The following TENM1 variants were observed in gnomAD, a reference collection of about 807,000 sequenced individuals.
TENM1 encodes the protein teneurin transmembrane protein 1.
Under a neutral mutation model 174.8 loss-of-function variants are expected in TENM1, and 35 were observed. The ratio of observed to expected loss-of-function variants is 0.20; its 90% CI spans 0.15 to 0.27. TENM1 has a LOEUF of 0.27. Among genes scored for constraint, TENM1 ranks in the 10% least tolerant of loss-of-function variants. TENM1 has a pLI of 1.00. For missense variants in TENM1, 1,633 were observed against 2,130.1 expected (o/e 0.77, Z 4.59); for synonymous variants, 781 against 798.7 (o/e 0.98, Z 0.37).
chrX:125,055,517 T>C, the TENM1 span, among the ~76,000 whole-genome samples: 1 of 111,781 alleles, frequency 8.9e-6, no homozygotes, highest in Admixed American at 9.6e-5. Flanking sequence ...ATTTCTATTT[T>C]CCCACCAACT....
chrX:124,616,519 C>T (rs914682089), intron 11 of TENM1, among the ~76,000 whole-genome samples: 6 of 112,066 alleles, frequency 5.4e-5, no homozygotes, highest in African/African-American at 1.9e-4. Flanking sequence ...ATGCAACAGG[C>T]ACTCAGTTAT....
At chrX:124,918,091 GCTT>G (rs1169522995) in intron 1 of TENM1, among the ~76,000 whole-genome samples, 1 of 111,825 alleles carries the variant, frequency 8.9e-6, no homozygotes, top group African/African-American at 3.3e-5. Flanking sequence ...CCTGGCCTGA[GCTT>G]CATATCCTAG....
chrX:125,037,855 T>C, the TENM1 span, among the ~76,000 whole-genome samples: 6 of 111,789 alleles, frequency 5.4e-5, no homozygotes, highest in Non-Finnish European at 9.4e-5. Flanking sequence ...CACACTTCCC[T>C]AGTTTTCCTA....
intron 1 of TENM1, among the ~76,000 whole-genome samples, chrX:124,907,164 C>T (rs747155410): frequency 8.9e-6 from 1 of 112,057 alleles, no homozygotes; most frequent in Non-Finnish European, 1.9e-5. Context: ...AAGAAGAACA[C>T]TGGGAACAAT....
the TENM1 span, among the ~76,000 whole-genome samples, chrX:125,060,037 C>T: frequency 9.1e-6 from 1 of 109,741 alleles, no homozygotes; most frequent in Middle Eastern, 4.6e-3. Context: ...CTTTCAGACG[C>T]ATGCTGCAAC....
At chrX:125,111,092 G>A in the TENM1 span, among the ~76,000 whole-genome samples, 1 of 112,067 alleles carries the variant, frequency 8.9e-6, no homozygotes, top group Non-Finnish European at 1.9e-5. Flanking sequence ...AGGTTATAGA[G>A]GACTCAACAT....
At chrX:124,526,595 C>T (rs755996282) in intron 16 of TENM1, among the ~76,000 whole-genome samples, 19 of 112,028 alleles carry the variant, frequency 1.7e-4, no homozygotes, top group Admixed American at 2.8e-4. Flanking sequence ...CACCACAAAA[C>T]ACCTCCATTT....
rs759183506 is a variant in TENM1 at position 124,705,090 on chromosome X, C to T, written c.938G>A (p.Cys313Tyr). 7 of 1,209,317 alleles carry T rather than the reference C, an allele frequency of 5.8e-6. No homozygotes were observed. The Admixed American group carries it at 1.3e-4, about 23-fold the overall frequency. ...CAATGCTGTGCACTTCCAGTTGCAG[C>T]ACCTGTAAGGTTTGTTAAAGGTAAA... Residue 313 changes from cysteine (C) to tyrosine (Y), a missense_variant, in exon 5 of 32, where the codon TGC becomes TAC. Cys to Tyr is a radical substitution (Grantham distance 194). Around this residue, in one of 4 missense-constraint regions of TENM1, gnomAD observed 305 missense variants for 309.2 expected, o/e 0.99. Coordinates refer to ENST00000422452, the Ensembl canonical transcript of TENM1.
intron 14 of TENM1, among the ~76,000 whole-genome samples, chrX:124,551,265 T>A (rs1412278384): frequency 1.8e-5 from 2 of 111,250 alleles, no homozygotes; most frequent in East Asian, 5.6e-4. Context: ...AATAAGTCAG[T>A]CATAGAAGGG....
rs971615169 is a variant in TENM1, at chrX:124,769,521, A to T, written c.536-32324T>A. ...TTCATATCAAGACCTGTAATTAAATAATTGAAGCCTAAACAGAATGGATAT... is the reference window on the plus strand; with the variant it reads ...TTCATATCAAGACCTGTAATTAAATTATTGAAGCCTAAACAGAATGGATAT... On this transcript the variant is annotated intron_variant, in intron 3 of 31. Coordinates refer to ENST00000422452, the Ensembl canonical transcript of TENM1. 2.7e-5 allele frequency among the ~76,000 whole-genome samples: 3 copies of T among 111,886 alleles called. No individual in the cohort carries two copies. The Admixed American group carries it at 2.9e-4, about 11-fold the overall frequency.
chrX:124,648,810 T>C (rs1022295902), intron 8 of TENM1, among the ~76,000 whole-genome samples: 1 of 112,107 alleles, frequency 8.9e-6, no homozygotes, highest in African/African-American at 3.2e-5. Flanking sequence ...TTGGAAACTT[T>C]ATGGAAGCAG....
intron 3 of TENM1, among the ~76,000 whole-genome samples, chrX:124,809,313 C>T (rs1199093590): frequency 9.0e-6 from 1 of 111,396 alleles, no homozygotes; most frequent in Admixed American, 9.6e-5. Flanking sequence ...AATAAAAAGT[C>T]TCCCATCACA....
At chrX:125,120,758 G>A in the TENM1 span, among the ~76,000 whole-genome samples, 1 of 111,135 alleles carries the variant, frequency 9.0e-6, no homozygotes, top group East Asian at 2.8e-4. Context: ...TGATGAACGT[G>A]GCCTTATAAA....
At chrX:124,710,779 A>T (rs2053028964) in intron 4 of TENM1, among the ~76,000 whole-genome samples, 1 of 112,382 alleles carries the variant, frequency 8.9e-6, no homozygotes, top group Non-Finnish European at 1.9e-5. Context: ...TTAAGATTCT[A>T]TGCTGAAAGT....
At chrX:124,717,624 G>A (rs923719679) in intron 4 of TENM1, among the ~76,000 whole-genome samples, 1 of 111,815 alleles carries the variant, frequency 8.9e-6, no homozygotes, top group Non-Finnish European at 1.9e-5. Context: ...AGGCCTGGCT[G>A]TACTTACTGT....
At chrX:125,189,247 CA>C in the TENM1 span, among the ~76,000 whole-genome samples, 1 of 111,821 alleles carries the variant, frequency 8.9e-6, no homozygotes, top group Non-Finnish European at 1.9e-5. Context: ...TACTTGCCAT[CA>C]CTGAACAATT....
intron 18 of TENM1, among the ~76,000 whole-genome samples, chrX:124,517,999 G>A (rs1259389620): frequency 9.0e-6 from 1 of 110,608 alleles, no homozygotes; most frequent in Non-Finnish European, 1.9e-5. Context: ...TGTCGCACTT[G>A]TAAATGTTCA....
chrX:124,963,861 T>G, upstream of TENM1: 3 of 652,465 alleles, frequency 4.6e-6, no homozygotes, highest in East Asian at 9.7e-5. Context: ...AGATTTATCT[T>G]TTTGTGAGGA....
At chrX:124,388,456 G>GC (rs2060248265) in intron 28 of TENM1, among the ~76,000 whole-genome samples, 1 of 112,217 alleles carries the variant, frequency 8.9e-6, no homozygotes, top group Non-Finnish European at 1.9e-5. Context: ...CTGTTACATT[G>GC]CCAAAATACC....
Sources: gnomAD v4.1 joint callset for allele counts (sites outside exome capture counted in the v4.1 genomes callset) on GRCh38, gnomAD v4.1.1 for gene constraint, gnomAD v4.1.1 regional missense constraint, MANE v1.5 for transcripts, NCBI Gene and HGNC (gene_info 2026-07-23, HGNC 2026-07-21) for gene names.